Variants in AGBL4 observed in about 807,000 individuals in gnomAD.
AGBL4 encodes the protein cytosolic carboxypeptidase 6.
AGBL4 carries 58 observed loss-of-function variants against 66.4 expected under a neutral mutation model. That is an observed-to-expected ratio of 0.87 (90% CI 0.71 to 1.09). The LOEUF is 1.09. AGBL4 is among the 50% of genes least tolerant of loss of function. AGBL4 has a pLI of 0.00. For missense variants in AGBL4, 579 were observed against 631.0 expected (o/e 0.92, Z 0.88); for synonymous variants, 234 against 222.9 (o/e 1.05, Z -0.44).
At chr1:49,927,433 T>A (rs1170534272) in intron 1 of AGBL4, among the ~76,000 whole-genome samples, 7 of 151,506 alleles carry the variant, frequency 4.6e-5, no homozygotes, top group Admixed American at 4.6e-4. Flanking sequence ...CTTCACAGAG[T>A]AACAAGATGG....
intron 3 of AGBL4, among the ~76,000 whole-genome samples, chr1:49,598,268 TC>T (rs1644887186): frequency 6.6e-6 from 1 of 152,258 alleles, no homozygotes; most frequent in Non-Finnish European, 1.5e-5. Context: ...GGAACTGCGT[TC>T]CTTTGGAGGA....
intron 3 of AGBL4, among the ~76,000 whole-genome samples, chr1:49,435,041 T>C (rs1360363354): frequency 6.6e-6 from 1 of 152,194 alleles, no homozygotes; most frequent in African/African-American, 2.4e-5. Context: ...CTTCTTTTTA[T>C]ATGATTAACC....
chr1:48,694,234 G>T (rs1000492705), intron 6 of AGBL4, among the ~76,000 whole-genome samples: 6 of 152,038 alleles, frequency 3.9e-5, no homozygotes, highest in African/African-American at 1.5e-4. Context: ...ACGGTGGTGG[G>T]TAGGAAAGGA....
intron 3 of AGBL4, among the ~76,000 whole-genome samples, chr1:49,366,238 A>C (rs1440551421): frequency 1.3e-5 from 2 of 152,184 alleles, no homozygotes; most frequent in African/African-American, 4.8e-5. Flanking sequence ...CTATATCCTT[A>C]GGTCCAATAG....
At chr1:49,741,429 AG>A (rs1650459071) in intron 2 of AGBL4, among the ~76,000 whole-genome samples, 2 of 152,224 alleles carry the variant, frequency 1.3e-5, no homozygotes, top group African/African-American at 2.4e-5. Flanking sequence ...AACCAAAAAA[AG>A]GCCAACAGCA....
intron 1 of AGBL4, among the ~76,000 whole-genome samples, chr1:49,892,906 C>A (rs1648796356): frequency 6.6e-6 from 1 of 152,128 alleles, no homozygotes. Context: ...ACTGACTACT[C>A]CTTTCTTAGC....
At chr1:49,485,739 T>C (rs1647053258) in intron 3 of AGBL4, among the ~76,000 whole-genome samples, 1 of 151,752 alleles carries the variant, frequency 6.6e-6, no homozygotes, top group Admixed American at 6.6e-5. Flanking sequence ...ACTTTGCATG[T>C]TCTCACCTAT....
rs545754865 is a variant in AGBL4, at chr1:48,892,892, A to G, written c.595-25662T>C. On this transcript the variant is annotated intron_variant, in intron 5 of 13. Transcript: ENST00000371839. ...AAGAAAATGAGTTTCTGGTTAGACCATCTTTCTAAATAAGGTCGCATACAC... is the reference window on the plus strand; with the variant it reads ...AAGAAAATGAGTTTCTGGTTAGACCGTCTTTCTAAATAAGGTCGCATACAC... 5.3e-5 allele frequency among the ~76,000 whole-genome samples: 8 copies of G among 152,282 alleles called. No homozygotes were observed. The East Asian group carries it at 1.4e-3, about 26-fold the overall frequency.
rs34539823 is a variant in AGBL4 at position 49,895,941 on chromosome 1, TAA to T, written c.35-44425_35-44424del. On this transcript the variant is annotated intron_variant, in intron 1 of 13. Coordinates refer to ENST00000371839, the MANE Select transcript of AGBL4 (RefSeq NM_032785.4). Reference sequence around the variant, plus strand: ...AAAGACAGAGAGTGGCTGAATGGGGTAAAAAAAAAAAAAAAACGAGATCCAAC... The same window carrying T: ...AAAGACAGAGAGTGGCTGAATGGGGTAAAAAAAAAAAAAACGAGATCCAAC... Among the ~76,000 whole-genome samples the T allele has an allele frequency of 2.0e-3, 271 of 133,938 alleles. 2 individuals carry two copies. The highest frequency in any genetic ancestry group is 3.8e-3 in the African/African-American group (139 of 36,864). The allele number at this position is 133,938 out of a possible 152,430, so 87.9% of individuals were successfully genotyped here.
At chr1:49,600,045 T>C (rs1644924611) in intron 3 of AGBL4, among the ~76,000 whole-genome samples, 2 of 152,242 alleles carry the variant, frequency 1.3e-5, no homozygotes, top group Non-Finnish European at 2.9e-5. Flanking sequence ...TGGTCAGTTT[T>C]AGAATAAATG....
intron 2 of AGBL4, among the ~76,000 whole-genome samples, chr1:49,831,956 G>T (rs1645694834): frequency 6.6e-6 from 1 of 151,876 alleles, no homozygotes; most frequent in Non-Finnish European, 1.5e-5. Flanking sequence ...CAGGGATGAA[G>T]CTGACTAGAT....
At chr1:48,920,897 G>A (rs1250712530) in intron 5 of AGBL4, among the ~76,000 whole-genome samples, 1 of 151,976 alleles carries the variant, frequency 6.6e-6, no homozygotes, top group East Asian at 1.9e-4. Flanking sequence ...CTTTGAAAGG[G>A]ATTGAAAAAA....
chr1:48,812,484 A>G (rs72681082), intron 6 of AGBL4, among the ~76,000 whole-genome samples: 10,626 of 152,192 alleles, frequency 0.07, 504 homozygotes, highest in East Asian at 0.17. Flanking sequence ...TTATTCATCA[A>G]ACACTCTCTA....
At chr1:48,955,335 C>T (rs1444994670) in intron 5 of AGBL4, among the ~76,000 whole-genome samples, 1 of 152,132 alleles carries the variant, frequency 6.6e-6, no homozygotes, top group East Asian at 1.9e-4. Flanking sequence ...GAAATCCTTC[C>T]TTTATGTGTT....
intron 5 of AGBL4, among the ~76,000 whole-genome samples, chr1:48,956,270 C>T (rs1311341009): frequency 6.6e-6 from 1 of 152,178 alleles, no homozygotes; most frequent in Non-Finnish European, 1.5e-5. Context: ...GACATGCCAA[C>T]TGTTTACTTC....
At chr1:49,592,901 A>C (rs977748684) in intron 3 of AGBL4, among the ~76,000 whole-genome samples, 6 of 152,174 alleles carry the variant, frequency 3.9e-5, no homozygotes, top group Admixed American at 3.3e-4. Flanking sequence ...ACACCCAAAG[A>C]GATATAAATT....
intron 3 of AGBL4, among the ~76,000 whole-genome samples, chr1:49,258,967 A>T (rs535527303): frequency 2.3e-4 from 35 of 152,256 alleles, no homozygotes; most frequent in African/African-American, 8.2e-4. Context: ...CTCAGCAGAA[A>T]CTCTACAAGC....
chr1:49,938,964 G>T (rs1654431318), intron 1 of AGBL4, among the ~76,000 whole-genome samples: 1 of 151,990 alleles, frequency 6.6e-6, no homozygotes, highest in African/African-American at 2.4e-5. Context: ...CACTGGCTCA[G>T]CCCAAAATCT....
intron 4 of AGBL4, among the ~76,000 whole-genome samples, chr1:49,186,756 T>C (rs1318153596): frequency 6.6e-6 from 1 of 152,166 alleles, no homozygotes; most frequent in Non-Finnish European, 1.5e-5. Context: ...TGCCAACATA[T>C]TATAAAGATA....
Sources: gnomAD v4.1 joint callset for allele counts (sites outside exome capture counted in the v4.1 genomes callset) on GRCh38, gnomAD v4.1.1 for gene constraint, MANE v1.5 for transcripts, NCBI Gene and HGNC (gene_info 2026-07-23, HGNC 2026-07-21) for gene names.